Variants in KIRREL1 observed in about 807,000 individuals in gnomAD.
The protein encoded by KIRREL1 is kin of IRRE-like protein 1.
In KIRREL1, 25 loss-of-function variants were observed where a neutral mutation model predicts 83.3. The ratio of observed to expected loss-of-function variants is 0.30; its 90% confidence interval spans 0.22 to 0.42. The LOEUF (loss-of-function observed/expected upper bound fraction) is 0.42. KIRREL1 is among the 10% of genes least tolerant of loss of function. The pLI, the probability that KIRREL1 is intolerant of heterozygous loss-of-function variation, is 1.00. For synonymous variants in KIRREL1, 388 were observed against 410.4 expected (o/e 0.95, Z 0.66); for missense variants, 812 against 1,032.3 (o/e 0.79, Z 2.92).
intron 3 of KIRREL1, among the ~76,000 whole-genome samples, chr1:158,083,515 C>T (rs1161428096): frequency 2.6e-5 from 4 of 152,108 alleles, no homozygotes; most frequent in Non-Finnish European, 4.4e-5. Flanking sequence ...AACAGGAGGC[C>T]GAAATGCTTG....
intron 1 of KIRREL1, among the ~76,000 whole-genome samples, chr1:158,044,920 T>G (rs189563323): frequency 9.8e-5 from 15 of 152,314 alleles, no homozygotes; most frequent in Admixed American, 6.5e-4. Flanking sequence ...GGAAAATAAT[T>G]AAGCAAGGGA....
chr1:158,093,073 T>G (rs1399831572), intron 11 of KIRREL1, among the ~76,000 whole-genome samples: 1 of 152,218 alleles, frequency 6.6e-6, no homozygotes, highest in Non-Finnish European at 1.5e-5. Flanking sequence ...GGCAAACTCC[T>G]GCCCCAGCTG....
At chr1:158,017,924 A>G (rs1659879313) in intron 1 of KIRREL1, among the ~76,000 whole-genome samples, 1 of 151,974 alleles carries the variant, frequency 6.6e-6, no homozygotes, top group Non-Finnish European at 1.5e-5. Flanking sequence ...AATCTTAAAA[A>G]TCTTCATCAG....
chr1:158,058,756 G>C (rs7526797), intron 1 of KIRREL1, among the ~76,000 whole-genome samples: 2,478 of 152,230 alleles, frequency 0.016, 83 homozygotes, highest in African/African-American at 0.057. Flanking sequence ...ACGACATCTG[G>C]GACCCGATGC....
chr1:158,016,691 C>T (rs1659834831), intron 1 of KIRREL1, among the ~76,000 whole-genome samples: 1 of 152,192 alleles, frequency 6.6e-6, no homozygotes, highest in South Asian at 2.1e-4. Flanking sequence ...TTCTGGGTGG[C>T]AAAGGGAATC....
At chr1:158,091,645 C>G in intron 11 of KIRREL1, 89 bp downstream of exon 11, 1 of 1,276,358 alleles carries the variant, frequency 7.8e-7, no homozygotes, top group South Asian at 1.3e-5. Context: ...CTCAGCTGCT[C>G]CCCTTCCCTT....
intron 1 of KIRREL1, among the ~76,000 whole-genome samples, chr1:158,036,961 CG>C (rs1660491876): frequency 6.6e-6 from 1 of 152,164 alleles, no homozygotes; most frequent in African/African-American, 2.4e-5. Flanking sequence ...GTGAACCACC[CG>C]GAGTCTTGGA....
chr1:158,029,866 T>G lies in KIRREL1; in HGVS notation c.52+36138T>G, dbSNP rs893500684. On this transcript the variant is annotated intron_variant, in intron 1 of 14. Coordinates refer to ENST00000359209, the MANE Select transcript of KIRREL1 (RefSeq NM_018240.7). ...AGTATAAGTAAAGCACTCTATAACCTGATGGCTTAATGTATTTTTGTTAAA... is the reference window on the plus strand; with the variant it reads ...AGTATAAGTAAAGCACTCTATAACCGGATGGCTTAATGTATTTTTGTTAAA... Among the ~76,000 whole-genome samples the G allele has an allele frequency of 2.6e-5, 4 of 152,262 alleles. No homozygotes were observed. In the East Asian group the frequency reaches 7.7e-4, roughly 29 times the overall value.
intron 1 of KIRREL1, among the ~76,000 whole-genome samples, chr1:158,041,348 G>C (rs932072012): frequency 6.6e-6 from 1 of 152,198 alleles, no homozygotes; most frequent in African/African-American, 2.4e-5. Context: ...AAGTTATCCA[G>C]GAGAGAAAGA....
chr1:158,067,140 T>C (rs1311968824), intron 1 of KIRREL1, among the ~76,000 whole-genome samples: 2 of 152,140 alleles, frequency 1.3e-5, no homozygotes, highest in Non-Finnish European at 2.9e-5. Context: ...CTTCCAGCCT[T>C]TTCCATGTAG....
chr1:158,038,417 T>G (rs986878875), intron 1 of KIRREL1, among the ~76,000 whole-genome samples: 1 of 151,654 alleles, frequency 6.6e-6, no homozygotes, highest in Non-Finnish European at 1.5e-5. Flanking sequence ...TGTTATGATG[T>G]TAAAGATGAA....
intron 2 of KIRREL1, 103 bp downstream of exon 2, chr1:158,076,365 C>A (rs567633103): frequency 8.4e-5 from 88 of 1,043,048 alleles, no homozygotes; most frequent in Admixed American, 2.1e-4. Context: ...TCCCTCACCA[C>A]CCTCCTCTGT....
chr1:158,078,100 G>A lies in KIRREL1; in HGVS notation c.312G>A (p.Glu104=), dbSNP rs759543297. The change falls in exon 3 of 15, where the codon GAG becomes GAA. Residue 104 remains glutamate, a synonymous_variant. Coordinates refer to ENST00000359209, the MANE Select transcript of KIRREL1 (RefSeq NM_018240.7). ...CCTCTTACGAGTGCCAGGCCACGGA[G>A]GCCGCCCTGCGCTCTCGGCGGGCCA... The part of the protein sequence containing the change: ...DDASYECQAT[E]AALRSRRAKL... 1.9e-6 allele frequency: 3 copies of A among 1,614,132 alleles called. No individual in the cohort carries two copies. Among genetic ancestry groups the A allele is most frequent in the Non-Finnish European group, 1.7e-6 (2 of 1,180,028 alleles).
intron 11 of KIRREL1, among the ~76,000 whole-genome samples, chr1:158,092,215 T>C (rs1415221728): frequency 6.6e-6 from 1 of 152,222 alleles, no homozygotes; most frequent in African/African-American, 2.4e-5. Context: ...CTTTGACTTT[T>C]TTGGAAGCTA....
intron 4 of KIRREL1, 113 bp from the exon 5 acceptor site, chr1:158,086,483 G>A: frequency 9.9e-7 from 1 of 1,010,404 alleles, no homozygotes; most frequent in Non-Finnish European, 1.5e-6. Flanking sequence ...AGGGGATTGA[G>A]CTTTAAGTTA....
intron 1 of KIRREL1, among the ~76,000 whole-genome samples, chr1:158,032,811 C>G (rs1660365142): frequency 6.6e-6 from 1 of 152,166 alleles, no homozygotes; most frequent in Non-Finnish European, 1.5e-5. Flanking sequence ...TGTTCTGTTG[C>G]CCAGGATGGA....
chr1:158,012,161 G>T (rs1271185182), intron 1 of KIRREL1, among the ~76,000 whole-genome samples: 1 of 152,184 alleles, frequency 6.6e-6, no homozygotes, highest in African/African-American at 2.4e-5. Flanking sequence ...TAGGAGTCAG[G>T]TGACCTGGAT....
At chr1:158,072,073 C>T (rs1248993454) in intron 1 of KIRREL1, among the ~76,000 whole-genome samples, 1 of 152,136 alleles carries the variant, frequency 6.6e-6, no homozygotes, top group East Asian at 1.9e-4. Flanking sequence ...TCAGAACCGT[C>T]CAGAGCCTGT....
At chr1:158,090,163 C>T (rs1662152629) in intron 10 of KIRREL1, among the ~76,000 whole-genome samples, 1 of 152,092 alleles carries the variant, frequency 6.6e-6, no homozygotes, top group African/African-American at 2.4e-5. Flanking sequence ...TCCCCACTCT[C>T]TCCCCTGGGC....
Sources: allele counts gnomAD v4.1 joint callset (sites outside exome capture counted in the v4.1 genomes callset), GRCh38; gene constraint gnomAD v4.1.1; transcripts MANE v1.5; gene names NCBI Gene and HGNC (gene_info 2026-07-23, HGNC 2026-07-21).